The following RABGAP1L variants were observed in gnomAD, a reference collection of about 807,000 sequenced individuals.
The protein encoded by RABGAP1L is rab GTPase-activating protein 1-like.
RABGAP1L carries 63 observed loss-of-function variants against 137.7 expected under a neutral mutation model. That is an observed-to-expected ratio of 0.46 (90% CI 0.37 to 0.56). The LOEUF is 0.56. RABGAP1L is among the 20% of genes least tolerant of loss of function. RABGAP1L has a pLI of 0.00. For synonymous variants in RABGAP1L, 431 were observed against 433.7 expected (o/e 0.99, Z 0.08); for missense variants, 1,095 against 1,244.0 (o/e 0.88, Z 1.80).
intron 19 of RABGAP1L, among the ~76,000 whole-genome samples, chr1:174,879,922 T>A (rs899780977): frequency 5.3e-5 from 8 of 152,116 alleles, no homozygotes; most frequent in Admixed American, 1.3e-4. Context: ...TGAAACCTTG[T>A]CTCTACTAAA....
At chr1:174,683,629 T>C (rs1343604250) in intron 15 of RABGAP1L, 33 bp downstream of exon 15, 4 of 1,501,322 alleles carry the variant, frequency 2.7e-6, no homozygotes, top group Middle Eastern at 1.7e-4. Context: ...AATAGCACAG[T>C]GCTGCCAAGT....
intron 19 of RABGAP1L, among the ~76,000 whole-genome samples, chr1:174,835,899 A>G (rs189217967): frequency 6.6e-6 from 1 of 152,312 alleles, no homozygotes; most frequent in Admixed American, 6.5e-5. Flanking sequence ...CCCTTGTGTC[A>G]ACTGGATATT....
intron 14 of RABGAP1L, among the ~76,000 whole-genome samples, chr1:174,665,397 CTTTT>C (rs1327976736): frequency 4.7e-5 from 7 of 150,196 alleles, no homozygotes; most frequent in Non-Finnish European, 8.9e-5. Context: ...TTCTTTCTTT[CTTTT>C]CTTTTCCTTT....
intron 19 of RABGAP1L, among the ~76,000 whole-genome samples, chr1:174,942,418 G>C (rs955878212): frequency 6.6e-6 from 1 of 152,156 alleles, no homozygotes; most frequent in African/African-American, 2.4e-5. Flanking sequence ...ATAGCACACA[G>C]ATTTAAAAAA....
intron 13 of RABGAP1L, among the ~76,000 whole-genome samples, chr1:174,460,916 A>G (rs1016381102): frequency 1.3e-5 from 2 of 152,088 alleles, no homozygotes; most frequent in Non-Finnish European, 1.5e-5. Context: ...GCTGAGCCTC[A>G]TTTAAACCAA....
intron 1 of RABGAP1L, among the ~76,000 whole-genome samples, chr1:174,204,886 T>C (rs1006133978): frequency 4.6e-5 from 7 of 152,202 alleles, no homozygotes; most frequent in Non-Finnish European, 1.0e-4. Flanking sequence ...CCCTTCGCCT[T>C]CTGCTATGAT....
At chr1:174,608,655 G>A (rs958468977) in intron 13 of RABGAP1L, among the ~76,000 whole-genome samples, 12 of 152,162 alleles carry the variant, frequency 7.9e-5, no homozygotes, top group Non-Finnish European at 1.8e-4. Context: ...AGAATGGAAT[G>A]TGATTCAGAT....
chr1:174,775,282 A>C (rs1009713064), intron 18 of RABGAP1L, among the ~76,000 whole-genome samples: 14 of 151,830 alleles, frequency 9.2e-5, no homozygotes, highest in African/African-American at 3.4e-4. Flanking sequence ...GTGCCGTGTT[A>C]AAATTATTAT....
At chr1:174,974,544 T>C (rs188536313) in intron 21 of RABGAP1L, among the ~76,000 whole-genome samples, 1 of 152,352 alleles carries the variant, frequency 6.6e-6, no homozygotes, top group East Asian at 1.9e-4. Flanking sequence ...CATATTGCAT[T>C]CTCAAGGTCT....
chr1:174,397,531 GTTCAGTC>G (rs1558199349), intron 13 of RABGAP1L, among the ~76,000 whole-genome samples: 1 of 152,214 alleles, frequency 6.6e-6, no homozygotes, highest in Admixed American at 6.5e-5. Flanking sequence ...ACAGCAGGAT[GTTCAGTC>G]TTCAGTCTTT....
At chr1:174,428,978 A>ATT (rs66675678) in intron 13 of RABGAP1L, among the ~76,000 whole-genome samples, 13 of 151,568 alleles carry the variant, frequency 8.6e-5, no homozygotes, top group African/African-American at 2.9e-4. Flanking sequence ...TACAACACAG[A>ATT]TTTTTTTTTG....
At chr1:174,603,577 A>G (rs989721373) in intron 13 of RABGAP1L, among the ~76,000 whole-genome samples, 1 of 152,128 alleles carries the variant, frequency 6.6e-6, no homozygotes, top group Non-Finnish European at 1.5e-5. Flanking sequence ...CACCCCCACC[A>G]CAAGACAAAG....
At chr1:174,728,765 C>A (rs1682214189) in intron 17 of RABGAP1L, among the ~76,000 whole-genome samples, 1 of 152,034 alleles carries the variant, frequency 6.6e-6, no homozygotes, top group African/African-American at 2.4e-5. Flanking sequence ...ACTCAGCTTC[C>A]TGAGTAGCTG....
At chr1:174,316,666 T>TG (rs1157597034) in intron 11 of RABGAP1L, among the ~76,000 whole-genome samples, 1 of 152,212 alleles carries the variant, frequency 6.6e-6, no homozygotes, top group Non-Finnish European at 1.5e-5. Context: ...CTACTGCCTA[T>TG]GTTCACTCAG....
chr1:174,583,311 T>G (rs1290845695), intron 13 of RABGAP1L, among the ~76,000 whole-genome samples: 2 of 152,166 alleles, frequency 1.3e-5, no homozygotes, highest in Admixed American at 6.6e-5. Context: ...AAATTCCATT[T>G]CAAGGGAGTC....
intron 13 of RABGAP1L, among the ~76,000 whole-genome samples, chr1:174,524,043 C>T (rs544241078): frequency 1.3e-5 from 2 of 152,250 alleles, no homozygotes; most frequent in African/African-American, 4.8e-5. Flanking sequence ...TGTCAATGGA[C>T]AGTTAGGTTG....
intron 13 of RABGAP1L, among the ~76,000 whole-genome samples, chr1:174,443,232 T>G (rs1334817627): frequency 6.6e-6 from 1 of 152,134 alleles, no homozygotes; most frequent in South Asian, 2.1e-4. Context: ...TTTGGATATA[T>G]ACCCAGCAGT....
intron 19 of RABGAP1L, among the ~76,000 whole-genome samples, chr1:174,949,123 A>G (rs1218647473): frequency 6.6e-6 from 1 of 152,202 alleles, no homozygotes; most frequent in African/African-American, 2.4e-5. Context: ...TTTGCAAAAT[A>G]TAGGCAAAGA....
At chr1:174,963,429 T>C (rs1669340733) in intron 20 of RABGAP1L, among the ~76,000 whole-genome samples, 1 of 152,058 alleles carries the variant, frequency 6.6e-6, no homozygotes, top group Admixed American at 6.6e-5. Context: ...TCTGCTAGAG[T>C]CCCTTATACT....
Sources: gnomAD v4.1 joint callset for allele counts (sites outside exome capture counted in the v4.1 genomes callset) on GRCh38, gnomAD v4.1.1 for gene constraint, MANE v1.5 for transcripts, NCBI Gene and HGNC (gene_info 2026-07-23, HGNC 2026-07-21) for gene names.